Variants in STK38L observed in about 807,000 individuals in gnomAD.
STK38L encodes the protein serine/threonine kinase 38 like.
Under a neutral mutation model 59.7 loss-of-function variants are expected in STK38L, and 28 were observed. The ratio of observed to expected loss-of-function variants is 0.47; its 90% CI spans 0.35 to 0.64. The LOEUF is 0.64. STK38L is among the 30% of genes least tolerant of loss of function. The pLI, the probability that STK38L is intolerant of heterozygous loss-of-function variation, is 0.01. For synonymous variants in STK38L, 162 were observed against 176.8 expected (o/e 0.92, Z 0.66); for missense variants, 314 against 555.8 (o/e 0.56, Z 4.37).
chr12:27,273,980 T>C (rs1943478336), intron 1 of STK38L, among the ~76,000 whole-genome samples: 1 of 151,936 alleles, frequency 6.6e-6, no homozygotes, highest in Admixed American at 6.6e-5. Flanking sequence ...TTGGGCCGGG[T>C]GCGGTGGTTC....
At chr12:27,247,730 G>A (rs951525051) in intron 1 of STK38L, among the ~76,000 whole-genome samples, 26 of 151,564 alleles carry the variant, frequency 1.7e-4, no homozygotes, top group African/African-American at 6.3e-4. Context: ...GCCTGGACTC[G>A]AACTTCTGGG....
At chr12:27,298,878 A>G (rs1354788273) in intron 2 of STK38L, among the ~76,000 whole-genome samples, 2 of 152,220 alleles carry the variant, frequency 1.3e-5, no homozygotes, top group African/African-American at 2.4e-5. Flanking sequence ...AGCTCTTTTC[A>G]TGGTAGTGGA....
intron 1 of STK38L, among the ~76,000 whole-genome samples, chr12:27,263,196 GTT>G (rs1943238387): frequency 6.6e-6 from 1 of 152,176 alleles, no homozygotes; most frequent in Non-Finnish European, 1.5e-5. Flanking sequence ...CTCTTAAGGA[GTT>G]CATAAATATG....
chr12:27,249,589 C>T (rs1311740522), intron 1 of STK38L, among the ~76,000 whole-genome samples: 1 of 152,172 alleles, frequency 6.6e-6, no homozygotes, highest in Non-Finnish European at 1.5e-5. Context: ...CCGCCCGCCT[C>T]GGCCTCCCAA....
chr12:27,279,966 C>G lies in STK38L; in HGVS notation c.-11-17744C>G, dbSNP rs189214498. Among the ~76,000 whole-genome samples, 24 of 152,230 alleles carry G rather than the reference C, an allele frequency of 1.6e-4. No individual in the cohort carries two copies. The East Asian group carries it at 4.6e-3, about 29-fold the overall frequency. ...GTAGGTCTTTGGGATGATGACTTAA[C>G]TAAGCCTACTTCCTTATTTGTAAAT... On this transcript the variant is annotated intron_variant, in intron 1 of 13. Transcript: ENST00000389032.
chr12:27,290,136 G>A (rs34733415), intron 1 of STK38L, among the ~76,000 whole-genome samples: 8,259 of 152,194 alleles, frequency 0.054, 248 homozygotes, highest in Middle Eastern at 0.13. Flanking sequence ...AACACATGAC[G>A]TATCTCAGTC....
intron 1 of STK38L, among the ~76,000 whole-genome samples, chr12:27,292,030 T>A (rs557445597): frequency 6.6e-6 from 1 of 152,246 alleles, no homozygotes; most frequent in Admixed American, 6.5e-5. Flanking sequence ...CTATTGGTAG[T>A]GTCTCCATTA....
chr12:27,294,903 G>A (rs1197399789), intron 1 of STK38L, among the ~76,000 whole-genome samples: 1 of 151,496 alleles, frequency 6.6e-6, no homozygotes, highest in African/African-American at 2.4e-5. Context: ...AAATTGTAGA[G>A]ATGAGGAGAT....
At chr12:27,313,214 G>T (rs916107802) in intron 6 of STK38L, among the ~76,000 whole-genome samples, 1 of 144,530 alleles carries the variant, frequency 6.9e-6, no homozygotes, top group Admixed American at 7.0e-5. Flanking sequence ...CGCCACTGCA[G>T]TCCGGCCTGG....
At position 27,313,039 on chromosome 12, in the gene STK38L, G is replaced by C. The variant is rs1163454597; in HGVS notation, c.517+367G>C. On this transcript the variant is annotated intron_variant, in intron 6 of 13. Coordinates refer to ENST00000389032, the MANE Select transcript of STK38L (RefSeq NM_015000.4). Reference sequence around the variant, plus strand: ...CGAGGCGGATGGATCACGAGGTCAGGAGATCAAGACCATCCTGGCTAACAA... The same window carrying C: ...CGAGGCGGATGGATCACGAGGTCAGCAGATCAAGACCATCCTGGCTAACAA... Among the ~76,000 whole-genome samples the C allele has an allele frequency of 2.0e-5, 3 of 152,272 alleles. No homozygotes were observed. In the East Asian group the frequency reaches 5.8e-4, roughly 29 times the overall value.
chr12:27,247,243 T>TAA (rs1482138081), intron 1 of STK38L, among the ~76,000 whole-genome samples: 3 of 152,222 alleles, frequency 2.0e-5, no homozygotes, highest in Non-Finnish European at 4.4e-5. Flanking sequence ...GCAGATGAAG[T>TAA]AACTGTGGTA....
At chr12:27,259,836 C>G (rs561930171) in intron 1 of STK38L, among the ~76,000 whole-genome samples, 21 of 152,212 alleles carry the variant, frequency 1.4e-4, no homozygotes, top group African/African-American at 4.8e-4. Flanking sequence ...TCCTGTGTTT[C>G]TTTTATAGGC....
intron 3 of STK38L, 51 bp downstream of exon 3, chr12:27,302,239 C>T (rs1260937995): frequency 3.7e-6 from 5 of 1,348,976 alleles, no homozygotes; most frequent in Non-Finnish European, 5.1e-6. Flanking sequence ...AGTGACTTTT[C>T]ATTCATTTGA....
chr12:27,321,285 T>C (rs1048146358), intron 12 of STK38L, among the ~76,000 whole-genome samples: 2 of 152,252 alleles, frequency 1.3e-5, no homozygotes, highest in Non-Finnish European at 2.9e-5. Flanking sequence ...ATAGCTTCTT[T>C]TAACCATTTG....
intron 1 of STK38L, among the ~76,000 whole-genome samples, chr12:27,250,385 TC>T (rs1201372733): frequency 6.6e-6 from 1 of 152,226 alleles, no homozygotes; most frequent in Non-Finnish European, 1.5e-5. Context: ...TTTATATTTC[TC>T]AAAGTTTGTC....
Position 27,312,662 on chromosome 12 carries a change from T to G in STK38L, c.507T>G (p.Phe169Leu). 2.5e-6 allele frequency: 4 copies of G among 1,613,940 alleles called. No individual in the cohort carries two copies. Among genetic ancestry groups the G allele is most frequent in the Non-Finnish European group, 3.4e-6 (4 of 1,179,960 alleles). Residue 169 changes from phenylalanine (F) to leucine (L), a missense_variant, in exon 6 of 14, where the codon TTT (phenylalanine) becomes TTG (leucine). By Grantham distance (22) the Phe-to-Leu change is conservative. Transcript: ENST00000389032. ...DKRNLYLIME[F>L]LPGGDMMTLL... ...GGAATCTTTATCTAATCATGGAATT[T>G]CTCCCTGGAGGTAAAAGCAAACATT...
chr12:27,256,153 T>C lies in STK38L; in HGVS notation c.-12+11821T>C, dbSNP rs140506882. ...TCATTCAGGTGCCCAGTGATTGAACTAGCCATCTTTCCCTGCTACCAGTCT... is the reference window on the plus strand; with the variant it reads ...TCATTCAGGTGCCCAGTGATTGAACCAGCCATCTTTCCCTGCTACCAGTCT... On this transcript the variant is annotated intron_variant, in intron 1 of 13. Transcript: ENST00000389032. 3.3e-5 allele frequency among the ~76,000 whole-genome samples: 5 copies of C among 152,364 alleles called. No homozygotes were observed. The East Asian group carries it at 9.6e-4, about 29-fold the overall frequency.
intron 6 of STK38L, among the ~76,000 whole-genome samples, chr12:27,313,009 G>T (rs1476981165): frequency 6.6e-6 from 1 of 152,198 alleles, no homozygotes; most frequent in African/African-American, 2.4e-5. Context: ...AGCACTTTGG[G>T]AGGCCGAGGC....
At chr12:27,251,582 C>T (rs1156972807) in intron 1 of STK38L, among the ~76,000 whole-genome samples, 4 of 152,202 alleles carry the variant, frequency 2.6e-5, no homozygotes, top group African/African-American at 9.6e-5. Flanking sequence ...ACAAGCAAAT[C>T]GTTCACTAAG....
Sources: allele counts gnomAD v4.1 joint callset (sites outside exome capture counted in the v4.1 genomes callset), GRCh38; gene constraint gnomAD v4.1.1; transcripts MANE v1.5; gene names NCBI Gene and HGNC (gene_info 2026-07-23, HGNC 2026-07-21).